CYFIP2: variants seen among roughly 807,000 people sequenced by gnomAD.
CYFIP2 encodes the protein cytoplasmic FMR1-interacting protein 2.
Under a neutral mutation model 158.7 loss-of-function variants are expected in CYFIP2, and 29 were observed. The observed-to-expected ratio is 0.18, with a 90% CI of 0.14 to 0.25. The LOEUF (loss-of-function observed/expected upper bound fraction) is 0.25, where lower values mean the gene tolerates loss of function less well. CYFIP2 is among the 10% of genes least tolerant of loss of function. The pLI, the probability that CYFIP2 is intolerant of heterozygous loss-of-function variation, is 1.00. For missense variants in CYFIP2, 852 were observed against 1,639.5 expected (o/e 0.52, Z 8.29); for synonymous variants, 585 against 617.6 (o/e 0.95, Z 0.78).
intron 13 of CYFIP2, among the ~76,000 whole-genome samples, chr5:157,316,326 A>G (rs1760144092): frequency 6.6e-6 from 1 of 152,228 alleles, no homozygotes. Context: ...ACATATAAAA[A>G]ATAAAAATCC....
At chr5:157,343,032 C>T (rs574557520) in intron 23 of CYFIP2, 2 of 1,614,214 alleles carry the variant, frequency 1.2e-6, no homozygotes, top group Non-Finnish European at 1.7e-6. Flanking sequence ...TCCCTCTGAC[C>T]AAGATCCGGG....
chr5:157,380,497 C>G (rs1271653078), intron 26 of CYFIP2, among the ~76,000 whole-genome samples: 1 of 150,964 alleles, frequency 6.6e-6, no homozygotes, highest in Non-Finnish European at 1.5e-5. Flanking sequence ...ATAATGTCCC[C>G]TGTTATAATT....
chr5:157,287,195 C>A, intron 3 of CYFIP2, 87 bp downstream of exon 3: 3 of 1,007,428 alleles, frequency 3.0e-6, no homozygotes, highest in Admixed American at 1.9e-5. Flanking sequence ...GAGGCATGTG[C>A]TCAGCTACTC....
In CYFIP2 at chr5:157,366,091, G is replaced by C. The variant is rs563430053; in HGVS notation, c.3039+4493G>C. Among the ~76,000 whole-genome samples the C allele has an allele frequency of 3.3e-5, 5 of 152,232 alleles. No homozygotes were observed. In the South Asian group the frequency reaches 1.0e-3, roughly 32 times the overall value. ...TATACTCCCATTCAGCAGTGTATGA[G>C]AGTTATCATTTCTTTGCAGCCTCAT... On this transcript the variant is annotated intron_variant, in intron 26 of 30. Transcript: ENST00000620254.
intron 1 of CYFIP2, among the ~76,000 whole-genome samples, chr5:157,282,824 G>A (rs1026500432): frequency 6.6e-6 from 1 of 152,172 alleles, no homozygotes; most frequent in Non-Finnish European, 1.5e-5. Flanking sequence ...GTATCTCCTT[G>A]TAAGTTTCAT....
intron 26 of CYFIP2, among the ~76,000 whole-genome samples, chr5:157,369,814 C>G (rs1764797590): frequency 6.6e-6 from 1 of 151,564 alleles, no homozygotes; most frequent in Non-Finnish European, 1.5e-5. Context: ...ACTTGGAAAT[C>G]TGCTTAAAAA....
At chr5:157,344,634 G>A (rs984109287) in intron 23 of CYFIP2, among the ~76,000 whole-genome samples, 4 of 152,096 alleles carry the variant, frequency 2.6e-5, no homozygotes, top group African/African-American at 9.7e-5. Context: ...TCTACTGATT[G>A]CCCCTGATCA....
intron 28 of CYFIP2, among the ~76,000 whole-genome samples, chr5:157,385,597 T>TA (rs1766599851): frequency 6.6e-6 from 1 of 152,264 alleles, no homozygotes; most frequent in Non-Finnish European, 1.5e-5. Flanking sequence ...TGGGGGAGGT[T>TA]AAAAGACAGG....
At chr5:157,329,162 G>A (rs1761253564) in intron 19 of CYFIP2, among the ~76,000 whole-genome samples, 2 of 152,186 alleles carry the variant, frequency 1.3e-5, no homozygotes, top group South Asian at 2.1e-4. Context: ...TAAATAACGC[G>A]ACTCTTAAAT....
At chr5:157,285,297 G>T in intron 1 of CYFIP2, 42 bp from the exon 2 acceptor site, 1 of 1,355,890 alleles carries the variant, frequency 7.4e-7, no homozygotes. Flanking sequence ...AATTTTAGAG[G>T]CCCCTGAAAT....
chr5:157,386,387 T>A (rs903433767), intron 28 of CYFIP2, among the ~76,000 whole-genome samples: 1 of 149,938 alleles, frequency 6.7e-6, no homozygotes, highest in Non-Finnish European at 1.5e-5. Flanking sequence ...CTGGATAATT[T>A]TTTTTTTATT....
chr5:157,316,962 G>A (rs1760197244), intron 13 of CYFIP2, among the ~76,000 whole-genome samples: 1 of 151,974 alleles, frequency 6.6e-6, no homozygotes, highest in African/African-American at 2.4e-5. Context: ...ATTACTAATG[G>A]GCAACCTGGA....
chr5:157,305,599 C>T (rs1360363178), intron 8 of CYFIP2, among the ~76,000 whole-genome samples: 1 of 152,228 alleles, frequency 6.6e-6, no homozygotes, highest in African/African-American at 2.4e-5. Flanking sequence ...CAGCCTCTAA[C>T]TCCCAGGCTC....
In CYFIP2 at chr5:157,330,725, A is replaced by ACTGGC; in HGVS notation, c.2157-15_2157-14insGGCCT. 1 of 1,607,964 alleles carries ACTGGC rather than the reference A, an allele frequency of 6.2e-7. No homozygotes were observed. Among genetic ancestry groups the ACTGGC allele is most frequent in the Non-Finnish European group, 8.5e-7 (1 of 1,174,546 alleles). On this transcript the variant is annotated splice_polypyrimidine_tract_variant and intron_variant, in intron 19 of 30. Coordinates refer to ENST00000620254, the MANE Select transcript of CYFIP2 (RefSeq NM_001037333.3). ...ACAATCTGTTTACTGGCCTTGTTTC[A>ACTGGC]CTTTTATTCCTTGCAGTGTCCTGTT...
intron 15 of CYFIP2, among the ~76,000 whole-genome samples, chr5:157,323,176 C>T (rs1760743786): frequency 6.6e-6 from 1 of 152,190 alleles, no homozygotes; most frequent in Admixed American, 6.5e-5. Context: ...ACCGCACTTG[C>T]ATCCTTTGCA....
At chr5:157,366,665 C>G (rs866030369) in intron 26 of CYFIP2, among the ~76,000 whole-genome samples, 14 of 152,178 alleles carry the variant, frequency 9.2e-5, no homozygotes, top group African/African-American at 2.9e-4. Context: ...CATAAATGGT[C>G]TGGTCATCGC....
chr5:157,352,320 C>G (rs1763127050), intron 23 of CYFIP2, among the ~76,000 whole-genome samples: 1 of 152,184 alleles, frequency 6.6e-6, no homozygotes, highest in African/African-American at 2.4e-5. Flanking sequence ...TAAATCATAT[C>G]CTTAGGACCC....
At chr5:157,392,587 CT>C (rs1451851848) in intron 30 of CYFIP2, among the ~76,000 whole-genome samples, 19 of 152,106 alleles carry the variant, frequency 1.2e-4, no homozygotes, top group African/African-American at 4.3e-4. Context: ...GTACATCTAC[CT>C]TTTTACCAGT....
At chr5:157,387,556 G>A (rs1368604519) in intron 28 of CYFIP2, among the ~76,000 whole-genome samples, 1 of 152,176 alleles carries the variant, frequency 6.6e-6, no homozygotes, top group African/African-American at 2.4e-5. Context: ...TTTATTTACT[G>A]AGCGTCTCCC....
Sources: allele counts gnomAD v4.1 joint callset (sites outside exome capture counted in the v4.1 genomes callset), GRCh38; gene constraint gnomAD v4.1.1; transcripts MANE v1.5; gene names NCBI Gene and HGNC (gene_info 2026-07-23, HGNC 2026-07-21).